The following KCNIP4 variants were observed in gnomAD, a reference collection of about 807,000 sequenced individuals.
The protein encoded by KCNIP4 is potassium voltage-gated channel interacting protein 4, also known as Kv channel-interacting protein 4.
A neutral mutation model predicts 34.0 loss-of-function variants in KCNIP4; 12 were observed. That is an observed-to-expected ratio of 0.35 (90% CI 0.23 to 0.57). The LOEUF is 0.57. Among genes scored for constraint, KCNIP4 ranks in the 20% least tolerant of loss-of-function variants. The pLI, the probability that KCNIP4 is intolerant of heterozygous loss-of-function variation, is 0.83. For synonymous variants in KCNIP4, 124 were observed against 102.2 expected (o/e 1.21, Z -1.29); for missense variants, 238 against 311.7 (o/e 0.76, Z 1.78).
chr4:20,848,492 A>AG (rs1326558340), intron 3 of KCNIP4, among the ~76,000 whole-genome samples: 2 of 142,930 alleles, frequency 1.4e-5, no homozygotes, highest in Admixed American at 1.4e-4. Flanking sequence ...GGCAACAAAA[A>AG]AAAACATAAA....
chr4:21,263,338 C>T (rs1341535301), intron 1 of KCNIP4, among the ~76,000 whole-genome samples: 1 of 152,204 alleles, frequency 6.6e-6, no homozygotes, highest in Non-Finnish European at 1.5e-5. Context: ...TGCCCAAGGT[C>T]ATCCAAATGG....
At chr4:21,747,805 GGTC>G (rs1174334280) in intron 1 of KCNIP4, among the ~76,000 whole-genome samples, 10 of 152,144 alleles carry the variant, frequency 6.6e-5, no homozygotes, top group East Asian at 5.8e-4. Flanking sequence ...TTGGAAATGT[GGTC>G]TTTCCAAATA....
chr4:21,419,195 T>C (rs973696904), intron 1 of KCNIP4, among the ~76,000 whole-genome samples: 4 of 152,230 alleles, frequency 2.6e-5, no homozygotes, highest in African/African-American at 4.8e-5. Context: ...TTTATGACTA[T>C]AGTCCAAGCT....
intron 1 of KCNIP4, among the ~76,000 whole-genome samples, chr4:21,495,009 A>G (rs1433189352): frequency 6.6e-6 from 1 of 152,158 alleles, no homozygotes; most frequent in Non-Finnish European, 1.5e-5. Flanking sequence ...AAAGAAATAC[A>G]TTAACAAAAG....
At chr4:20,940,370 C>T (rs1226713093) in intron 1 of KCNIP4, among the ~76,000 whole-genome samples, 1 of 152,174 alleles carries the variant, frequency 6.6e-6, no homozygotes, top group Non-Finnish European at 1.5e-5. Context: ...GGCTGTATCT[C>T]ATTTATCTAA....
intron 1 of KCNIP4, among the ~76,000 whole-genome samples, chr4:21,226,525 T>C (rs184176301): frequency 6.6e-6 from 1 of 152,308 alleles, no homozygotes; most frequent in African/African-American, 2.4e-5. Flanking sequence ...GTTTCTTTAT[T>C]GTAAAGGATG....
rs917234364 is a variant in KCNIP4 at position 21,107,960 on chromosome 4, G to A, written c.62-225251C>T. ...TCTTCTGGCTTGTAGAGTTTCTGCC[G>A]AGAAATCTGCTGTTAGTCTGATGGG... On this transcript the variant is annotated intron_variant, in intron 1 of 8. Transcript: ENST00000382152. Among the ~76,000 whole-genome samples, 8 of 151,354 alleles carry A rather than the reference G, an allele frequency of 5.3e-5. No individual in the cohort carries two copies. In the East Asian group the frequency reaches 7.7e-4, roughly 15 times the overall value.
intron 1 of KCNIP4, among the ~76,000 whole-genome samples, chr4:21,525,142 AT>A (rs1229379775): frequency 2.0e-5 from 3 of 152,192 alleles, no homozygotes; most frequent in Non-Finnish European, 2.9e-5. Flanking sequence ...TTAACCAAAA[AT>A]ATCTCAAAAA....
intron 4 of KCNIP4, among the ~76,000 whole-genome samples, chr4:20,757,875 A>G (rs1406930247): frequency 6.6e-6 from 1 of 152,048 alleles, no homozygotes; most frequent in Non-Finnish European, 1.5e-5. Flanking sequence ...CTCAGGTTCA[A>G]CTCATCTGGA....
At chr4:21,847,203 A>G (rs1000797843) in intron 1 of KCNIP4, 6 of 152,122 alleles carry the variant, frequency 3.9e-5, no homozygotes, top group African/African-American at 1.4e-4. Context: ...CCATTTTATA[A>G]TAAAAGCACC....
intron 1 of KCNIP4, among the ~76,000 whole-genome samples, chr4:21,416,311 A>G (rs1276034436): frequency 6.6e-6 from 1 of 152,190 alleles, no homozygotes; most frequent in Non-Finnish European, 1.5e-5. Context: ...AGGGATTAGG[A>G]GGCATCTTGT....
chr4:21,909,901 G>A (rs1406804952), intron 1 of KCNIP4, among the ~76,000 whole-genome samples: 1 of 152,010 alleles, frequency 6.6e-6, no homozygotes, highest in Non-Finnish European at 1.5e-5. Context: ...AGGATAGTAT[G>A]GGGGAAACTG....
At chr4:20,832,865 A>T (rs1255537996) in intron 3 of KCNIP4, among the ~76,000 whole-genome samples, 1 of 152,150 alleles carries the variant, frequency 6.6e-6, no homozygotes, top group Non-Finnish European at 1.5e-5. Flanking sequence ...AGTCTTCTGG[A>T]GTAACATTAT....
chr4:21,314,465 G>T (rs905079530), intron 1 of KCNIP4, among the ~76,000 whole-genome samples: 10 of 152,182 alleles, frequency 6.6e-5, no homozygotes, highest in Admixed American at 6.5e-4. Context: ...CAATCGTGAG[G>T]ACTATTCTAG....
chr4:21,316,828 T>C (rs988156226), intron 1 of KCNIP4, among the ~76,000 whole-genome samples: 1 of 152,224 alleles, frequency 6.6e-6, no homozygotes, highest in Non-Finnish European at 1.5e-5. Flanking sequence ...GTTTACTGTA[T>C]TGAACATTCA....
rs1381132294 is a variant in KCNIP4, at chr4:20,779,586, CCCACA to C, written c.289-20701_289-20697del. Among the ~76,000 whole-genome samples, 356 of 135,138 alleles carry C rather than the reference CCCACA, an allele frequency of 2.6e-3. 2 individuals carry two copies. The highest frequency in any genetic ancestry group is 9.0e-3 in the African/African-American group (321 of 35,684). The allele number at this position is 135,138 out of a possible 152,430, so 88.7% of individuals were successfully genotyped here. A position where few individuals can be genotyped will look rare whatever the true frequency, so the allele number is the denominator to read the frequency against. ...CCCCCCTGCCCCACAACCCCCCCCC[CCCACA>C]CAAAAAAGAAATGAAAACAAAAAAA... is the stretch of plus-strand genomic sequence containing the variant. On this transcript the variant is annotated intron_variant, in intron 3 of 8. Transcript: ENST00000382152.
At position 20,836,104 on chromosome 4, in the gene KCNIP4, T is replaced by C. The variant is rs562425804; in HGVS notation, c.288+14439A>G. The stretch of plus-strand genomic sequence containing the variant: ...GTTTTACAAACATAAATTTGTGTCA[T>C]TCTCCTACTTAATCCTTTAATGATT... On this transcript the variant is annotated intron_variant, in intron 3 of 8. Coordinates refer to ENST00000382152, the MANE Select transcript of KCNIP4 (RefSeq NM_025221.6). Among the ~76,000 whole-genome samples the C allele has an allele frequency of 5.9e-5, 9 of 152,304 alleles. No homozygotes were observed. The East Asian group carries it at 1.4e-3, about 23-fold the overall frequency.
At chr4:21,898,261 T>C (rs1588709) in intron 1 of KCNIP4, among the ~76,000 whole-genome samples, 146,170 of 152,174 alleles carry the variant, frequency 0.96, 70,497 homozygotes, top group East Asian at 1. Context: ...GGGCTTGGAG[T>C]CAGTGGTCTT....
intron 1 of KCNIP4, among the ~76,000 whole-genome samples, chr4:21,087,586 C>T (rs1746585255): frequency 6.6e-6 from 1 of 152,124 alleles, no homozygotes; most frequent in Non-Finnish European, 1.5e-5. Flanking sequence ...CTGCACCTGG[C>T]CAGGTGACAG....
Sources: gnomAD v4.1 joint callset for allele counts (sites outside exome capture counted in the v4.1 genomes callset) on GRCh38, gnomAD v4.1.1 for gene constraint, MANE v1.5 for transcripts, NCBI Gene and HGNC (gene_info 2026-07-23, HGNC 2026-07-21) for gene names.